The following TBC1D5 variants were observed in gnomAD, a reference collection of about 807,000 sequenced individuals.
The protein encoded by TBC1D5 is TBC1 domain family member 5, also known as TBC1 domain family, member 5.
A neutral mutation model predicts 100.3 loss-of-function variants in TBC1D5; 75 were observed. The ratio of observed to expected loss-of-function variants is 0.75; its 90% CI spans 0.62 to 0.91. The LOEUF is 0.91. Among genes scored for constraint, TBC1D5 ranks in the 40% least tolerant of loss-of-function variants. The pLI, the probability that TBC1D5 is intolerant of heterozygous loss-of-function variation, is 0.00. For synonymous variants in TBC1D5, 323 were observed against 325.6 expected, an observed-to-expected ratio of 0.99 and a Z score of 0.09; for missense variants, 910 against 942.4, an observed-to-expected ratio of 0.97 and a Z score of 0.45.
intron 18 of TBC1D5, among the ~76,000 whole-genome samples, chr3:17,194,707 T>C (rs959117604): frequency 5.9e-5 from 9 of 152,244 alleles, no homozygotes; most frequent in Non-Finnish European, 8.8e-5. Flanking sequence ...TCTTTCTGAA[T>C]ATATGATTTC....
intron 2 of TBC1D5, among the ~76,000 whole-genome samples, chr3:17,601,248 T>A (rs776922588): frequency 1.3e-5 from 2 of 152,224 alleles, no homozygotes; most frequent in Non-Finnish European, 2.9e-5. Flanking sequence ...CAGTGGCTCA[T>A]GCCTGTAATC....
intron 15 of TBC1D5, among the ~76,000 whole-genome samples, chr3:17,274,789 T>C (rs1428490331): frequency 6.6e-6 from 1 of 152,194 alleles, no homozygotes; most frequent in Admixed American, 6.5e-5. Context: ...AAGGCACTTA[T>C]ATTGCAATAA....
At chr3:17,648,565 T>C (rs367694012) in intron 1 of TBC1D5, among the ~76,000 whole-genome samples, 14 of 152,198 alleles carry the variant, frequency 9.2e-5, no homozygotes, top group African/African-American at 2.9e-4. Context: ...AAGAAAATTT[T>C]TGCAAACTAT....
At chr3:17,378,180 A>C (rs1006298329) in intron 9 of TBC1D5, among the ~76,000 whole-genome samples, 1 of 151,896 alleles carries the variant, frequency 6.6e-6, no homozygotes, top group Non-Finnish European at 1.5e-5. Flanking sequence ...TTAAGAAATA[A>C]ATTTAAAACT....
intron 19 of TBC1D5, among the ~76,000 whole-genome samples, chr3:17,169,152 A>C (rs1014470852): frequency 1.6e-4 from 25 of 152,130 alleles, no homozygotes; most frequent in Non-Finnish European, 1.5e-5. Flanking sequence ...AGCACTTATC[A>C]TTGTTTGATG....
chr3:17,542,212 G>A (rs9851276), intron 2 of TBC1D5, among the ~76,000 whole-genome samples: 117 of 152,258 alleles, frequency 7.7e-4, no homozygotes, highest in African/African-American at 2.7e-3. Context: ...GATCACTTGA[G>A]CCTGGGAGGC....
intron 1 of TBC1D5, among the ~76,000 whole-genome samples, chr3:17,656,828 A>AATAT (rs10579239): frequency 2.6e-5 from 4 of 151,230 alleles, no homozygotes; most frequent in African/African-American, 9.7e-5. Flanking sequence ...CATACAGATG[A>AATAT]ATATATATAT....
At chr3:17,717,724 C>A (rs140328782) in intron 1 of TBC1D5, among the ~76,000 whole-genome samples, 34 of 152,252 alleles carry the variant, frequency 2.2e-4, no homozygotes, top group Admixed American at 1.2e-3. Flanking sequence ...ACTAGGTGGC[C>A]ACCAATATCC....
At chr3:17,493,244 T>A (rs2095661454) in intron 3 of TBC1D5, among the ~76,000 whole-genome samples, 2 of 152,022 alleles carry the variant, frequency 1.3e-5, no homozygotes, top group African/African-American at 4.8e-5. Context: ...TTTTTTTTTT[T>A]TTAAGAATGT....
chr3:17,452,228 AG>A (rs2094944816), intron 3 of TBC1D5, among the ~76,000 whole-genome samples: 1 of 152,188 alleles, frequency 6.6e-6, no homozygotes, highest in Admixed American at 6.5e-5. Context: ...CTTCGCTAGA[AG>A]GAAGACAGGA....
In TBC1D5 at chr3:17,187,996, CT is replaced by C. The variant is rs574200137; in HGVS notation, c.1753-2789del. Among the ~76,000 whole-genome samples the C allele has an allele frequency of 5.3e-5, 8 of 152,336 alleles. No homozygotes were observed. The East Asian group carries it at 1.5e-3, about 29-fold the overall frequency. On this transcript the variant is annotated intron_variant, in intron 18 of 21. Transcript: ENST00000253692. ...ATTCCTACCTGAATGGATTCATTTT[CT>C]TTTGCAAAGGAACTCAAACTGGGTA...
intron 15 of TBC1D5, among the ~76,000 whole-genome samples, chr3:17,269,653 C>T (rs2079188092): frequency 6.7e-6 from 1 of 148,552 alleles, no homozygotes; most frequent in Non-Finnish European, 1.5e-5. Context: ...CTCCCTCCCT[C>T]CCTCCTTCTG....
At chr3:17,291,269 T>C (rs191805273) in intron 15 of TBC1D5, among the ~76,000 whole-genome samples, 1 of 152,354 alleles carries the variant, frequency 6.6e-6, no homozygotes, top group Admixed American at 6.5e-5. Context: ...GTTCTTATTT[T>C]CAAGAAATAT....
At chr3:17,669,440 T>C (rs993645525) in intron 1 of TBC1D5, among the ~76,000 whole-genome samples, 1 of 152,154 alleles carries the variant, frequency 6.6e-6, no homozygotes, top group Non-Finnish European at 1.5e-5. Flanking sequence ...AAATACAAAA[T>C]TAAATCTTCA....
At chr3:17,199,167 C>T (rs1297659608) in intron 18 of TBC1D5, among the ~76,000 whole-genome samples, 5 of 152,162 alleles carry the variant, frequency 3.3e-5, no homozygotes. Flanking sequence ...ATGTCTCAGC[C>T]CAACCTTCAA....
At chr3:17,386,984 A>G (rs2093176596) in intron 8 of TBC1D5, among the ~76,000 whole-genome samples, 1 of 152,160 alleles carries the variant, frequency 6.6e-6, no homozygotes, top group Non-Finnish European at 1.5e-5. Context: ...TTATGCAGAC[A>G]TAGCATATCT....
At chr3:17,598,321 A>G (rs534681880) in intron 2 of TBC1D5, among the ~76,000 whole-genome samples, 1 of 152,282 alleles carries the variant, frequency 6.6e-6, no homozygotes, top group East Asian at 1.9e-4. Context: ...ATATTAAAGG[A>G]TTCTCTTCTT....
chr3:17,179,192 A>C (rs1459865668), intron 19 of TBC1D5, among the ~76,000 whole-genome samples: 1 of 152,242 alleles, frequency 6.6e-6, no homozygotes, highest in African/African-American at 2.4e-5. Context: ...ACCCGCAATA[A>C]AAAGCGTATT....
chr3:17,287,765 G>C (rs78909188), intron 15 of TBC1D5, among the ~76,000 whole-genome samples: 1 of 152,142 alleles, frequency 6.6e-6, no homozygotes, highest in Admixed American at 6.5e-5. Context: ...TTAGAACCTT[G>C]TGTCTCAAGC....
Sources: allele counts gnomAD v4.1 joint callset (sites outside exome capture counted in the v4.1 genomes callset), GRCh38; gene constraint gnomAD v4.1.1; transcripts MANE v1.5; gene names NCBI Gene and HGNC (gene_info 2026-07-23, HGNC 2026-07-21).